TCF4: variants seen among roughly 807,000 people sequenced by gnomAD.
TCF4 encodes the protein transcription factor 4, also known as SL3-3 enhancer factor 2.
A neutral mutation model predicts 82.1 loss-of-function variants in TCF4; 3 were observed. The ratio of observed to expected loss-of-function variants is 0.04; its 90% CI spans 0.02 to 0.09. The LOEUF (loss-of-function observed/expected upper bound fraction) is 0.09, where lower values mean the gene tolerates loss of function less well. Among genes scored for constraint, TCF4 ranks in the 10% least tolerant of loss-of-function variants. The pLI, the probability that TCF4 is intolerant of heterozygous loss-of-function variation, is 1.00. For missense variants in TCF4, 518 were observed against 852.7 expected, an observed-to-expected ratio of 0.61 and a Z score of 4.89; for synonymous variants, 276 against 309.6, an observed-to-expected ratio of 0.89 and a Z score of 1.14.
intron 2 of TCF4, among the ~76,000 whole-genome samples, chr18:55,621,914 T>C (rs1228778908): frequency 1.2e-4 from 10 of 84,980 alleles, no homozygotes; most frequent in South Asian, 1.2e-3. Context: ...ACACTATATA[T>C]TATATATACA....
chr18:55,269,590 T>TG (rs1177014287), intron 11 of TCF4: 1 of 540,316 alleles, frequency 1.9e-6, no homozygotes, highest in African/African-American at 1.9e-5. Context: ...TTTGAACCCT[T>TG]GTTCAATCTA....
At chr18:55,624,114 TTAGA>T (rs773577881) in intron 2 of TCF4, among the ~76,000 whole-genome samples, 14 of 152,160 alleles carry the variant, frequency 9.2e-5, no homozygotes, top group African/African-American at 1.9e-4. Flanking sequence ...AGTTTTAGTA[TTAGA>T]TAGAGTGAGC....
Position 55,244,344 on chromosome 18 carries a change from T to C in TCF4, c.1351-9661A>G, listed in dbSNP as rs1400800043. 2.6e-5 allele frequency among the ~76,000 whole-genome samples: 4 copies of C among 152,346 alleles called. 1 individual carries two copies. The highest frequency in any genetic ancestry group is 3.9e-4 in the East Asian group (2 of 5,194). ...TTATTTGAAATAGTAGTTCTTTTAC[T>C]GTTGGTGTGTTTAAAGAGGAAATTC... On this transcript the variant is annotated intron_variant, in intron 15 of 19. Transcript: ENST00000354452.
chr18:55,432,041 C>A (rs2095215207), intron 5 of TCF4, among the ~76,000 whole-genome samples: 1 of 152,182 alleles, frequency 6.6e-6, no homozygotes, highest in African/African-American at 2.4e-5. Context: ...GTGGCTCATG[C>A]CTGTAATCCC....
intron 3 of TCF4, among the ~76,000 whole-genome samples, chr18:55,535,953 C>G (rs1371017761): frequency 6.6e-6 from 1 of 152,178 alleles, no homozygotes; most frequent in East Asian, 1.9e-4. Context: ...ATAAAAGGAT[C>G]TTACTGAAGA....
intron 8 of TCF4, among the ~76,000 whole-genome samples, chr18:55,342,016 GGT>G (rs1169239136): frequency 4.6e-5 from 7 of 152,102 alleles, no homozygotes; most frequent in Non-Finnish European, 8.8e-5. Context: ...CATGTTACAT[GGT>G]GTGTCTAGTT....
intron 2 of TCF4, among the ~76,000 whole-genome samples, chr18:55,620,690 G>A (rs1298187723): frequency 6.6e-6 from 1 of 152,084 alleles, no homozygotes; most frequent in Non-Finnish European, 1.5e-5. Context: ...CTATTAGGCT[G>A]GGCAATCATA....
chr18:55,304,082 A>AAT (rs2069317489), intron 8 of TCF4, among the ~76,000 whole-genome samples: 1 of 152,158 alleles, frequency 6.6e-6, no homozygotes, highest in Admixed American at 6.5e-5. Context: ...GCATAAAGGA[A>AAT]ATATATATGA....
chr18:55,274,219 C>T (rs1010145241), intron 10 of TCF4, among the ~76,000 whole-genome samples: 1 of 152,064 alleles, frequency 6.6e-6, no homozygotes. Context: ...TTTCTCTAAG[C>T]TTTCACTCTA....
intron 3 of TCF4, among the ~76,000 whole-genome samples, chr18:55,481,656 T>C (rs1568180815): frequency 6.6e-6 from 1 of 152,202 alleles, no homozygotes; most frequent in Non-Finnish European, 1.5e-5. Flanking sequence ...TCCCAAAACC[T>C]TTAATTTTCT....
At chr18:55,591,597 A>C (rs968658164), upstream of TCF4, among the ~76,000 whole-genome samples, 2 of 152,206 alleles carry the variant, frequency 1.3e-5, no homozygotes, top group African/African-American at 4.8e-5. Context: ...GGCTCACTGC[A>C]ACCTCCACCT....
intron 15 of TCF4, among the ~76,000 whole-genome samples, chr18:55,240,541 G>A (rs1313922256): frequency 3.3e-5 from 5 of 152,190 alleles, no homozygotes; most frequent in African/African-American, 7.2e-5. Flanking sequence ...TTTTAAAGAG[G>A]TGGGAAGCGG....
chr18:55,586,236 A>G lies in TCF4; in HGVS notation c.72+809T>C, dbSNP rs2097650119. The G allele has an allele frequency of 1.0e-5, 10 of 957,184 alleles. 1 individual carries two copies. Among genetic ancestry groups the G allele is most frequent in the Non-Finnish European group, 1.5e-5 (10 of 663,362 alleles). The allele number at this position is 957,184 out of a possible 1,614,324, so 59.3% of individuals were successfully genotyped here. ...AGCAGCAGCAGCAGCAGCATGAAAG[A>G]GCCCCACTTGGAAGGCGGTTTGGAT... On this transcript the variant is annotated intron_variant, in intron 2 of 19. Transcript: ENST00000354452.
At chr18:55,472,371 T>G (rs1338604023) in intron 3 of TCF4, among the ~76,000 whole-genome samples, 3 of 152,218 alleles carry the variant, frequency 2.0e-5, no homozygotes. Flanking sequence ...ATTTATATAT[T>G]TGGAGGTGTC....
At position 55,462,747 on chromosome 18, in the gene TCF4, G is replaced by C. The variant is rs138661513; in HGVS notation, c.207+1329C>G. 5.6e-4 allele frequency among the ~76,000 whole-genome samples: 85 copies of C among 152,296 alleles called. 1 individual carries two copies. The highest frequency in any genetic ancestry group is 3.4e-3 in the Middle Eastern group (1 of 294). ...GGGAGTTCTATGATCTCCACTTGCT[G>C]TCAAGGGGAATGGATTTATTTCTGC... On this transcript the variant is annotated intron_variant, in intron 4 of 19. Coordinates refer to ENST00000354452, the MANE Select transcript of TCF4 (RefSeq NM_001083962.2).
chr18:55,320,725 T>C (rs1602539250), intron 8 of TCF4: 1 of 152,228 alleles, frequency 6.6e-6, no homozygotes, highest in African/African-American at 2.4e-5. Flanking sequence ...GAGAACAGTT[T>C]ATAAATGGCT....
chr18:55,394,423 C>T (rs567239261), intron 6 of TCF4, among the ~76,000 whole-genome samples: 58 of 152,154 alleles, frequency 3.8e-4, no homozygotes, highest in African/African-American at 1.3e-3. Context: ...ATCTGGTATT[C>T]AAGTCATAGA....
intron 15 of TCF4, among the ~76,000 whole-genome samples, chr18:55,241,198 G>A (rs2051098969): frequency 6.6e-6 from 1 of 152,182 alleles, no homozygotes; most frequent in East Asian, 1.9e-4. Context: ...GCCGACCTCA[G>A]TTCATCTTTC....
At chr18:55,232,851 C>T (rs2048293135) in intron 16 of TCF4, among the ~76,000 whole-genome samples, 180 bp from the exon 17 acceptor site, 1 of 152,218 alleles carries the variant, frequency 6.6e-6, no homozygotes, top group Non-Finnish European at 1.5e-5. Flanking sequence ...GTTTTCCCTG[C>T]ATTGGCTCTA....
Sources: gnomAD v4.1 joint callset for allele counts (sites outside exome capture counted in the v4.1 genomes callset) on GRCh38, gnomAD v4.1.1 for gene constraint, MANE v1.5 for transcripts, NCBI Gene and HGNC (gene_info 2026-07-23, HGNC 2026-07-21) for gene names.